The following TTC39C variants were observed in gnomAD, a reference collection of about 807,000 sequenced individuals.
TTC39C encodes tetratricopeptide repeat domain 39C.
A neutral mutation model predicts 76.3 loss-of-function variants in TTC39C; 33 were observed. That is an observed-to-expected ratio of 0.43 (90% CI 0.33 to 0.58). The LOEUF (loss-of-function observed/expected upper bound fraction) is 0.58, where lower values mean the gene tolerates loss of function less well. Among genes scored for constraint, TTC39C ranks in the 20% least tolerant of loss-of-function variants. The probability of loss-of-function intolerance (pLI) is 0.04; values close to 1 mark genes in which losing one functional copy is unlikely to be tolerated. For missense variants in TTC39C, 595 were observed against 701.4 expected (o/e 0.85, Z 1.71); for synonymous variants, 254 against 260.6 (o/e 0.97, Z 0.24).
At position 24,134,255 on chromosome 18, in the gene TTC39C, C is replaced by CTTTTTTTTT. The variant is rs1568450608; in HGVS notation, c.*1682_*1683insTTTTTTTTT. Reference sequence around the variant, plus strand: ...ATTGGTGCCCAAAAATATTGGACATCTGTTTTTTGTTTTTTTTTTTTTTTT... The same window carrying CTTTTTTTTT: ...ATTGGTGCCCAAAAATATTGGACATCTTTTTTTTTTGTTTTTTGTTTTTTTTTTTTTTTT... On this transcript the variant is annotated 3_prime_UTR_variant, in exon 14 of 14. Coordinates refer to ENST00000317571, the MANE Select transcript of TTC39C (RefSeq NM_001135993.2). The CTTTTTTTTT allele has an allele frequency of 4.3e-5, 2 of 46,728 alleles. No homozygotes were observed. The highest frequency in any genetic ancestry group is 1.7e-4 in the African/African-American group (2 of 12,034). 2.9% of individuals were successfully genotyped at this position (46,728 alleles called of 1,614,324 possible).
chr18:24,115,377 G>C (rs1005035951), intron 7 of TTC39C, among the ~76,000 whole-genome samples: 5 of 152,122 alleles, frequency 3.3e-5, no homozygotes, highest in Non-Finnish European at 7.3e-5. Context: ...CATTGTGCTG[G>C]GAAGAGTAAA....
intron 7 of TTC39C, chr18:24,114,988 G>T: frequency 4.9e-6 from 1 of 206,074 alleles, no homozygotes; most frequent in Non-Finnish European, 9.8e-6. Flanking sequence ...TAGGAGACAG[G>T]AGATAGTTGG....
chr18:24,029,312 A>G (rs1368663792), intron 1 of TTC39C, among the ~76,000 whole-genome samples: 1 of 152,152 alleles, frequency 6.6e-6, no homozygotes, highest in East Asian at 1.9e-4. Context: ...CGTGTTGGCC[A>G]GGTTGGTCTC....
chr18:24,132,548 T>C lies in TTC39C; in HGVS notation c.1726T>C (p.Ser576Pro). ...TGTCCGCATCCATGCTGCTCTGGCC[T>C]CTCTGAGGGAATTGGTTCCTCAGTG... ...LHVRIHAALASLRELVPQ is the reference protein window; with the variant it reads ...LHVRIHAALAPLRELVPQ Residue 576 changes from serine (S) to proline (P), a missense_variant, in exon 14 of 14, where the codon TCT becomes CCT. Ser to Pro is a moderately conservative substitution (Grantham distance 74). Coordinates refer to ENST00000317571, the MANE Select transcript of TTC39C (RefSeq NM_001135993.2). The C allele has an allele frequency of 6.2e-7, 1 of 1,613,942 alleles. No homozygotes were observed. The highest frequency in any genetic ancestry group is 2.2e-5 in the East Asian group (1 of 44,876).
At position 24,022,823 on chromosome 18, in the gene TTC39C, G is replaced by A. The variant is rs546686034; in HGVS notation, c.167+7785G>A. 3 of 985,230 alleles carry A rather than the reference G, an allele frequency of 3.0e-6. No homozygotes were observed. The African/African-American group carries it at 5.2e-5, about 17-fold the overall frequency. 61.0% of individuals were successfully genotyped at this position (985,230 alleles called of 1,614,324 possible). On this transcript the variant is annotated intron_variant, in intron 1 of 13. Transcript: ENST00000317571. The stretch of plus-strand genomic sequence containing the variant: ...TTGTCCCTTCCATGCTAGTTGTGCT[G>A]GAATATTTTACGTCATCCAGCCAGG...
chr18:24,125,437 T>A lies in TTC39C; in HGVS notation c.1307T>A (p.Phe436Tyr). 9 of 1,614,156 alleles carry A rather than the reference T, an allele frequency of 5.6e-6. No homozygotes were observed. Among genetic ancestry groups the A allele is most frequent in the Non-Finnish European group, 7.6e-6 (9 of 1,180,020 alleles). The change falls in exon 10 of 14, where the codon TTT becomes TAT. Residue 436 changes from phenylalanine (F) to tyrosine (Y), a missense_variant. Physicochemically the swap from Phe to Tyr is conservative, Grantham distance 22. Transcript: ENST00000317571. ...TCTGACTCCTTGCAGGCAGAGCGATTTCGGAAGCAAACCCCAACCAAAGCG... is the reference window on the plus strand; with the variant it reads ...TCTGACTCCTTGCAGGCAGAGCGATATCGGAAGCAAACCCCAACCAAAGCG... ...EQFSVKKAER[F>Y]RKQTPTKALC...
At chr18:24,015,400 C>T (rs1428351117) in intron 1 of TTC39C, 1 of 186,042 alleles carries the variant, frequency 5.4e-6, no homozygotes, top group Non-Finnish European at 1.1e-5. Flanking sequence ...TTTGAGGCAG[C>T]AGCGAGCCTG....
At chr18:24,008,318 G>A (rs1260000096) in intron 1 of TTC39C, among the ~76,000 whole-genome samples, 1 of 152,168 alleles carries the variant, frequency 6.6e-6, no homozygotes, top group African/African-American at 2.4e-5. Context: ...ACCCAAAATA[G>A]ATTCATATAC....
intron 1 of TTC39C, among the ~76,000 whole-genome samples, chr18:24,031,090 G>C (rs2083663485): frequency 6.6e-6 from 1 of 151,048 alleles, no homozygotes; most frequent in South Asian, 2.1e-4. Context: ...GGGACTACAG[G>C]CATATGCCAC....
At chr18:24,087,849 C>T (rs2084464756) in intron 6 of TTC39C, among the ~76,000 whole-genome samples, 1 of 152,074 alleles carries the variant, frequency 6.6e-6, no homozygotes, top group African/African-American at 2.4e-5. Context: ...AGCTTGAGCC[C>T]ATACGTTGTG....
chr18:24,125,846 C>A (rs112133973), intron 10 of TTC39C, among the ~76,000 whole-genome samples: 1 of 152,122 alleles, frequency 6.6e-6, no homozygotes, highest in Admixed American at 6.5e-5. Context: ...ATTTTTTCTC[C>A]CCGAGAGTAC....
intron 1 of TTC39C, among the ~76,000 whole-genome samples, chr18:24,047,046 C>T (rs1181303822): frequency 6.6e-6 from 1 of 151,738 alleles, no homozygotes; most frequent in East Asian, 1.9e-4. Context: ...AACTTTAGTA[C>T]AGTTTGCAGT....
chr18:24,063,714 A>T (rs1224419775), intron 1 of TTC39C, among the ~76,000 whole-genome samples: 1 of 151,940 alleles, frequency 6.6e-6, no homozygotes, highest in Admixed American at 6.6e-5. Flanking sequence ...GGGTTTTGTC[A>T]TGTTGGCTAG....
chr18:24,049,130 A>C (rs1221531380), intron 1 of TTC39C, among the ~76,000 whole-genome samples: 1 of 152,240 alleles, frequency 6.6e-6, no homozygotes, highest in Non-Finnish European at 1.5e-5. Context: ...ATAATGTTTT[A>C]AAGAGAGCCA....
intron 6 of TTC39C, among the ~76,000 whole-genome samples, chr18:24,083,738 C>T (rs907495266): frequency 3.9e-5 from 5 of 129,194 alleles, no homozygotes; most frequent in African/African-American, 7.8e-5. Context: ...ACCAGAAATG[C>T]GCTGGCCTTT....
chr18:24,075,092 T>C (rs1024748258), intron 4 of TTC39C, among the ~76,000 whole-genome samples: 2 of 151,946 alleles, frequency 1.3e-5, no homozygotes, highest in Non-Finnish European at 2.9e-5. Context: ...TAGGTTAGAA[T>C]TGAACAATGA....
chr18:23,999,602 G>A (rs1051096164), intron 1 of TTC39C, among the ~76,000 whole-genome samples: 6 of 98,878 alleles, frequency 6.1e-5, no homozygotes, highest in Non-Finnish European at 9.8e-5. Context: ...GGGAACAGCC[G>A]GTGCCCTGTG....
chr18:23,996,353 A>G (rs546651652), intron 1 of TTC39C, among the ~76,000 whole-genome samples: 93 of 152,242 alleles, frequency 6.1e-4, no homozygotes, highest in Non-Finnish European at 1.0e-3. Flanking sequence ...CTGCGTCATT[A>G]TAACTTCTTT....
intron 4 of TTC39C, among the ~76,000 whole-genome samples, chr18:24,078,410 C>T (rs1450259076): frequency 6.6e-6 from 1 of 152,216 alleles, no homozygotes; most frequent in African/African-American, 2.4e-5. Context: ...CTTCTTACAG[C>T]TAAATTACGT....
Sources: gnomAD v4.1 joint callset for allele counts (sites outside exome capture counted in the v4.1 genomes callset) on GRCh38, gnomAD v4.1.1 for gene constraint, MANE v1.5 for transcripts, NCBI Gene and HGNC (gene_info 2026-07-23, HGNC 2026-07-21) for gene names.